The following NR2F2 variants were observed in gnomAD, a reference collection of about 807,000 sequenced individuals.
NR2F2 encodes the protein nuclear receptor subfamily 2 group F member 2, also known as COUP transcription factor 2.
A neutral mutation model predicts 34.8 loss-of-function variants in NR2F2; 2 were observed. The ratio of observed to expected loss-of-function variants is 0.06; its 90% CI spans 0.02 to 0.18. The LOEUF (loss-of-function observed/expected upper bound fraction) is 0.18. NR2F2 is among the 10% of genes least tolerant of loss of function. The pLI, the probability that NR2F2 is intolerant of heterozygous loss-of-function variation, is 1.00. For synonymous variants in NR2F2, 274 were observed against 251.8 expected (o/e 1.09, Z -0.84); for missense variants, 300 against 580.1 (o/e 0.52, Z 4.96).
In NR2F2 at chr15:96,340,088, TGTTG is replaced by T. The variant is rs755174669; in HGVS notation, c.*2467_*2470del. 3.3e-5 allele frequency: 5 copies of T among 152,356 alleles called. No homozygotes were observed. Among genetic ancestry groups the T allele is most frequent in the East Asian group, 3.9e-4 (2 of 5,188 alleles). The allele number at this position is 152,356 out of a possible 1,614,324, so 9.4% of individuals were successfully genotyped here. On this transcript the variant is annotated 3_prime_UTR_variant, in exon 3 of 3. Coordinates refer to ENST00000394166, the MANE Select transcript of NR2F2 (RefSeq NM_021005.4). ...TTTAGTTCGAGGTTTTGTCGGTTGT[TGTTG>T]ATTTTCTTCCTCTTGCAAGTGCTAT...
In NR2F2 at chr15:96,331,242, C is replaced by A. The variant is rs1440906727; in HGVS notation, c.-864C>A. The A allele has an allele frequency of 4.1e-5, 40 of 985,772 alleles. No homozygotes were observed. In the East Asian group the frequency reaches 3.8e-3, roughly 94 times the overall value. The allele number at this position is 985,772 out of a possible 1,614,324, so 61.1% of individuals were successfully genotyped here. A position where few individuals can be genotyped will look rare whatever the true frequency, so the allele number is the denominator to read the frequency against. Reference sequence around the variant, plus strand: ...TCCACCCAGCGACTGCGGGCGGCGGCGGCCGGAGAGAGCGAGGCGCGCGCC... The same window carrying A: ...TCCACCCAGCGACTGCGGGCGGCGGAGGCCGGAGAGAGCGAGGCGCGCGCC... On this transcript the variant is annotated 5_prime_UTR_variant, in exon 1 of 3. Coordinates refer to ENST00000394166, the MANE Select transcript of NR2F2 (RefSeq NM_021005.4).
chr15:96,335,602 G>T (rs1177937371), intron 2 of NR2F2, among the ~76,000 whole-genome samples: 1 of 152,166 alleles, frequency 6.6e-6, no homozygotes, highest in Non-Finnish European at 1.5e-5. Context: ...AGGGGAAAGG[G>T]GTTCCCGATT....
upstream of NR2F2, chr15:96,326,057 T>C (rs895054133): frequency 1.7e-6 from 1 of 578,610 alleles, no homozygotes; most frequent in Non-Finnish European, 3.1e-6. The surrounding 1 kb of genome is among the most constrained non-coding windows in gnomAD (Gnocchi z 5.5). Flanking sequence ...AAAGTTAGTG[T>C]GCAGGGTTTT....
rs1052495061 is a variant in NR2F2, at chr15:96,337,831, A to G, written c.*209A>G. On this transcript the variant is annotated 3_prime_UTR_variant, in exon 3 of 3. Coordinates refer to ENST00000394166, the MANE Select transcript of NR2F2 (RefSeq NM_021005.4). Reference sequence around the variant, plus strand: ...TTTTACAGAATGCATTAAAAAAAAAAAAAAACTCCTGTGTCGGTCAGAACA... The same window carrying G: ...TTTTACAGAATGCATTAAAAAAAAAGAAAAACTCCTGTGTCGGTCAGAACA... 2.9e-5 allele frequency: 13 copies of G among 443,764 alleles called. No individual in the cohort carries two copies. The highest frequency in any genetic ancestry group is 2.4e-4 in the African/African-American group (12 of 49,570). 27.5% of individuals were successfully genotyped at this position (443,764 alleles called of 1,614,324 possible).
At chr15:96,329,496 G>A (rs1242423026), upstream of NR2F2, among the ~76,000 whole-genome samples, 1 of 152,290 alleles carries the variant, frequency 6.6e-6, no homozygotes, top group African/African-American at 2.4e-5. Context: ...CCCATTTGGG[G>A]CAGAATCTCT....
At position 96,334,335 on chromosome 15, in the gene NR2F2, C is replaced by T; in HGVS notation, c.702C>T (p.Pro234=). The change falls in exon 2 of 3, where the codon CCC becomes CCT. Residue 234 remains proline (P), a synonymous_variant. Transcript: ENST00000394166. ...GGGCCCGGAACATCCCCTTCTTCCC[C>T]GACCTGCAGATCACGGACCAGGTGG... ...VEWARNIPFF[P]DLQITDQVAL... The T allele has an allele frequency of 6.2e-7, 1 of 1,614,222 alleles. No homozygotes were observed. Among genetic ancestry groups the T allele is most frequent in the East Asian group, 2.2e-5 (1 of 44,874 alleles).
upstream of NR2F2, among the ~76,000 whole-genome samples, chr15:96,329,866 A>G (rs1240266787): frequency 6.6e-6 from 1 of 152,134 alleles, no homozygotes; most frequent in Admixed American, 6.5e-5. Flanking sequence ...TCTGCTTCTC[A>G]GCATCCGAGA....
At chr15:96,329,035 T>C (rs1899060724), upstream of NR2F2, among the ~76,000 whole-genome samples, 1 of 152,200 alleles carries the variant, frequency 6.6e-6, no homozygotes, top group Non-Finnish European at 1.5e-5. Context: ...CTTTACCCTG[T>C]CAATTTTTTT....
At chr15:96,329,671 G>T (rs899596619), upstream of NR2F2, among the ~76,000 whole-genome samples, 4 of 152,156 alleles carry the variant, frequency 2.6e-5, no homozygotes, top group Non-Finnish European at 5.9e-5. Context: ...TGTACAGAGG[G>T]TGTGCACAGG....
Position 96,339,444 on chromosome 15 carries a change from T to A in NR2F2, c.*1822T>A, listed in dbSNP as rs1899435120. Reference sequence around the variant, plus strand: ...GTATATATGATAACTTGCAGTTGGTTTCCCTCTCCCCTCCCCCCCTTTACC... The same window carrying A: ...GTATATATGATAACTTGCAGTTGGTATCCCTCTCCCCTCCCCCCCTTTACC... On this transcript the variant is annotated 3_prime_UTR_variant, in exon 3 of 3. Transcript: ENST00000394166. 6.6e-6 allele frequency: 1 copy of A among 152,106 alleles called. No individual in the cohort carries two copies. The highest frequency in any genetic ancestry group is 1.5e-5 in the Non-Finnish European group (1 of 68,000). 9.4% of individuals were successfully genotyped at this position (152,106 alleles called of 1,614,324 possible).
In NR2F2 at chr15:96,332,080, G is replaced by T; in HGVS notation, c.-26G>T. 7.8e-7 allele frequency: 1 copy of T among 1,289,240 alleles called. No homozygotes were observed. Among genetic ancestry groups the T allele is most frequent in the African/African-American group, 1.6e-5 (1 of 64,382 alleles). 79.9% of individuals were successfully genotyped at this position (1,289,240 alleles called of 1,614,324 possible). ...CCGCCGCCCGCAGCCAGGGGAGCAG[G>T]AAGTCCGGACGCAGCCCCCATAGAT... On this transcript the variant is annotated 5_prime_UTR_variant, in exon 1 of 3. Transcript: ENST00000394166.
rs1258675212 is a variant in NR2F2 at position 96,331,661 on chromosome 15, A to G, written c.-445A>G. 5 of 1,126,926 alleles carry G rather than the reference A, an allele frequency of 4.4e-6. No individual in the cohort carries two copies. Among genetic ancestry groups the G allele is most frequent in the African/African-American group, 1.6e-5 (1 of 61,718 alleles). The allele number at this position is 1,126,926 out of a possible 1,614,324, so 69.8% of individuals were successfully genotyped here. The stretch of plus-strand genomic sequence containing the variant: ...GAGAGTGAACGAGAGAGGGAGGGAG[A>G]GAGTGAGAGCGAGCGAGATCTTTGG... On this transcript the variant is annotated 5_prime_UTR_variant, in exon 1 of 3. Coordinates refer to ENST00000394166, the MANE Select transcript of NR2F2 (RefSeq NM_021005.4).
intron 1 of NR2F2, chr15:96,333,599 G>A: frequency 4.9e-6 from 5 of 1,012,314 alleles, no homozygotes; most frequent in South Asian, 4.4e-5. Context: ...GGGGCTTCGG[G>A]GTTTGTGGGA....
chr15:96,334,640 C>A, intron 2 of NR2F2, 37 bp downstream of exon 2: 5 of 1,550,482 alleles, frequency 3.2e-6, no homozygotes, highest in Non-Finnish European at 4.4e-6. Context: ...CCCACGGGCT[C>A]CTAGCCCAGA....
In NR2F2 at chr15:96,332,447, G is replaced by C. The variant is rs761260932; in HGVS notation, c.342G>C (p.Thr114=). 2.5e-6 allele frequency: 4 copies of C among 1,614,080 alleles called. No homozygotes were observed. The Admixed American group carries it at 5.0e-5, about 20-fold the overall frequency. The change falls in exon 1 of 3, where the codon ACG becomes ACC. Residue 114 remains threonine (T), a synonymous_variant. Coordinates refer to ENST00000394166, the MANE Select transcript of NR2F2 (RefSeq NM_021005.4). ...KRSVRRNLSY[T]CRANRNCPID... is the part of the protein sequence containing the mutation. ...GCGTGCGGAGGAACCTGAGCTACAC[G>C]TGCCGCGCCAACCGGAACTGTCCCA...
chr15:96,334,377 C>A lies in NR2F2; in HGVS notation c.744C>A (p.Thr248=). The part of the protein sequence containing the change: ...ITDQVALLRL[T]WSELFVLNAA... ...ACCAGGTGGCCCTGCTTCGCCTCAC[C>A]TGGAGCGAGCTGTTTGTGTTGAATG... The change falls in exon 2 of 3, where the codon ACC becomes ACA. Residue 248 remains threonine, a synonymous_variant. Transcript: ENST00000394166. The A allele has an allele frequency of 6.2e-7, 1 of 1,614,212 alleles. No individual in the cohort carries two copies. The highest frequency in any genetic ancestry group is 8.5e-7 in the Non-Finnish European group (1 of 1,180,042).
Position 96,331,473 on chromosome 15 carries a change from C to T in NR2F2, c.-633C>T. 9.7e-6 allele frequency: 12 copies of T among 1,231,066 alleles called. No homozygotes were observed. The highest frequency in any genetic ancestry group is 3.1e-4 in the Middle Eastern group (1 of 3,206). The allele number at this position is 1,231,066 out of a possible 1,614,324, so 76.3% of individuals were successfully genotyped here. On this transcript the variant is annotated 5_prime_UTR_variant, in exon 1 of 3. Transcript: ENST00000394166. ...TCCGATCTCCTAGTCCTCCTGATTTCGATGGCTTTCCTGAATGGCTGACTG... is the reference window on the plus strand; with the variant it reads ...TCCGATCTCCTAGTCCTCCTGATTTTGATGGCTTTCCTGAATGGCTGACTG...
intron 1 of NR2F2, chr15:96,333,629 A>G: frequency 9.6e-7 from 1 of 1,039,410 alleles, no homozygotes; most frequent in East Asian, 7.7e-5. Context: ...CGGAGTGGCC[A>G]CAGGCCGTCT....
At position 96,339,264 on chromosome 15, in the gene NR2F2, A is replaced by C. The variant is rs1457025857; in HGVS notation, c.*1642A>C. Reference sequence around the variant, plus strand: ...AGAAGATCGTTCAAGCAAGCTAATCACAGCATTGTAACTAGAGGACAGTTG... The same window carrying C: ...AGAAGATCGTTCAAGCAAGCTAATCCCAGCATTGTAACTAGAGGACAGTTG... On this transcript the variant is annotated 3_prime_UTR_variant, in exon 3 of 3. Transcript: ENST00000394166. 1 of 152,214 alleles carries C rather than the reference A, an allele frequency of 6.6e-6. No homozygotes were observed. Among genetic ancestry groups the C allele is most frequent in the Non-Finnish European group, 1.5e-5 (1 of 68,038 alleles). The allele number at this position is 152,214 out of a possible 1,614,324, so 9.4% of individuals were successfully genotyped here.
Sources: allele counts gnomAD v4.1 joint callset (sites outside exome capture counted in the v4.1 genomes callset), GRCh38; gene constraint gnomAD v4.1.1; non-coding constraint Gnocchi (gnomAD v3.1); transcripts MANE v1.5; gene names NCBI Gene and HGNC (gene_info 2026-07-23, HGNC 2026-07-21).